The following SPINK5 variants were observed in gnomAD, a reference collection of about 807,000 sequenced individuals.
The protein encoded by SPINK5 is serine peptidase inhibitor Kazal type 5, also known as serine protease inhibitor Kazal-type 5.
A neutral mutation model predicts 151.8 loss-of-function variants in SPINK5; 125 were observed. The observed-to-expected ratio is 0.82, with a 90% confidence interval of 0.71 to 0.96. SPINK5 has a LOEUF of 0.96. Among genes scored for constraint, SPINK5 ranks in the 40% least tolerant of loss-of-function variants. The pLI is 0.00. For synonymous variants in SPINK5, 374 were observed against 395.3 expected, an observed-to-expected ratio of 0.95 and a Z score of 0.64; for missense variants, 1,194 against 1,291.9, an observed-to-expected ratio of 0.92 and a Z score of 1.16.
chr5:148,074,594 G>A (rs1752832545), intron 4 of SPINK5, among the ~76,000 whole-genome samples: 1 of 151,802 alleles, frequency 6.6e-6, no homozygotes, highest in African/African-American at 2.4e-5. Context: ...TGTTGTTAAA[G>A]GTTGATGGGA....
chr5:148,088,336 C>A (rs1753214114), intron 5 of SPINK5, among the ~76,000 whole-genome samples: 1 of 151,864 alleles, frequency 6.6e-6, no homozygotes, highest in South Asian at 2.1e-4. Context: ...AAGTCTGAAT[C>A]TTTACCATCT....
At chr5:148,134,062 T>C (rs1398152113) in intron 32 of SPINK5, 175 bp downstream of exon 32, 2 of 696,198 alleles carry the variant, frequency 2.9e-6, no homozygotes, top group East Asian at 5.5e-5. Flanking sequence ...ATTACTGAAA[T>C]AAGTGGAAAT....
intron 28 of SPINK5, chr5:148,125,505 G>A (rs538976676): frequency 6.2e-7 from 1 of 1,608,720 alleles, no homozygotes; most frequent in East Asian, 2.2e-5. Flanking sequence ...GTTGTTTTAT[G>A]TTTCCCTACA....
intron 31 of SPINK5, among the ~76,000 whole-genome samples, chr5:148,132,359 C>T (rs1754594133): frequency 6.6e-6 from 1 of 152,082 alleles, no homozygotes; most frequent in Admixed American, 6.5e-5. Flanking sequence ...ATAGGACTCC[C>T]TGATATCCTG....
chr5:148,099,973 TC>T (rs1753592718), intron 12 of SPINK5, among the ~76,000 whole-genome samples: 1 of 152,146 alleles, frequency 6.6e-6, no homozygotes, highest in African/African-American at 2.4e-5. Context: ...ATTCAGAAAA[TC>T]ATGCTCTGCT....
chr5:148,125,881 C>G, intron 29 of SPINK5, 31 bp downstream of exon 29: 2 of 1,613,936 alleles, frequency 1.2e-6, no homozygotes, highest in Non-Finnish European at 1.7e-6. Context: ...CCCCCTGTAG[C>G]TAGCAGGGGA....
Position 148,094,304 on chromosome 5 carries a change from A to C in SPINK5, c.667-50A>C. 2.5e-6 allele frequency: 4 copies of C among 1,601,970 alleles called. No individual in the cohort carries two copies. The East Asian group carries it at 9.0e-5, about 36-fold the overall frequency. On this transcript the variant is annotated intron_variant, in intron 8 of 32. Transcript: ENST00000256084. Reference sequence around the variant, plus strand: ...AGCAAAATCCTGTCTCAAAAAATAAAATATCCTGAAATGAAATGAAGTAAA... The same window carrying C: ...AGCAAAATCCTGTCTCAAAAAATAACATATCCTGAAATGAAATGAAGTAAA...
At position 148,108,766 on chromosome 5, in the gene SPINK5, G is replaced by T. The variant is rs1014654402; in HGVS notation, c.1621G>T (p.Glu541Ter). 2.5e-6 allele frequency: 4 copies of T among 1,611,464 alleles called. No homozygotes were observed. In the East Asian group the frequency reaches 6.7e-5, roughly 27 times the overall value. The change falls in exon 18 of 33, where the codon GAA becomes TAA. Residue 541 changes from glutamate (E) to a stop codon, truncating the protein, a stop_gained. Coordinates refer to ENST00000256084, the MANE Select transcript of SPINK5 (RefSeq NM_006846.4). LOFTEE classifies it high-confidence loss of function. ...MCASVFKLEE[E>*]EKKNDKEEKG... Reference sequence around the variant, plus strand: ...TTTCTATTACAGCAAACTTGAAGAAGAAGAGAAGAAAAATGATAAAGAAGA... The same window carrying T: ...TTTCTATTACAGCAAACTTGAAGAATAAGAGAAGAAAAATGATAAAGAAGA...
chr5:148,110,225 C>A (rs1376515918), intron 18 of SPINK5, among the ~76,000 whole-genome samples: 1 of 152,164 alleles, frequency 6.6e-6, no homozygotes, highest in African/African-American at 2.4e-5. Context: ...CAGTGTCACA[C>A]ATATCTTAAG....
intron 19 of SPINK5, among the ~76,000 whole-genome samples, chr5:148,112,640 T>G (rs1009637757): frequency 4.6e-5 from 7 of 151,720 alleles, no homozygotes; most frequent in Admixed American, 3.3e-4. Context: ...GCCACTGCAC[T>G]CCAGCCTGGC....
Position 148,114,457 on chromosome 5 carries a change from T to A in SPINK5, c.1983T>A (p.His661Gln). The A allele has an allele frequency of 6.2e-7, 1 of 1,613,642 alleles. No individual in the cohort carries two copies. Among genetic ancestry groups the A allele is most frequent in the Non-Finnish European group, 8.5e-7 (1 of 1,179,660 alleles). ...TGCGTGGCCCAGATGGCAAGACCCA[T>A]GGCAACAAGTGTGCCATGTGTAAGG... ...DPVRGPDGKT[H>Q]GNKCAMCKAV... Residue 661 changes from histidine to glutamine, a missense_variant, in exon 21 of 33, where the codon CAT becomes CAA. Physicochemically the swap from His to Gln is conservative, Grantham distance 24. Transcript: ENST00000256084.
intron 2 of SPINK5, among the ~76,000 whole-genome samples, chr5:148,068,479 A>G (rs1752641209): frequency 6.8e-6 from 1 of 147,392 alleles, no homozygotes; most frequent in Non-Finnish European, 1.5e-5. Context: ...GGCTCATTCA[A>G]TGATGATCAT....
At chr5:148,105,624 T>A (rs1753760438) in intron 16 of SPINK5, among the ~76,000 whole-genome samples, 1 of 139,876 alleles carries the variant, frequency 7.1e-6, no homozygotes, top group African/African-American at 3.3e-5. Flanking sequence ...TCTTTTTTTC[T>A]GTTTTTTTTG....
intron 4 of SPINK5, among the ~76,000 whole-genome samples, chr5:148,073,869 T>TA (rs1210756612): frequency 0.041 from 4,120 of 100,868 alleles, 269 homozygotes; most frequent in African/African-American, 0.14. Flanking sequence ...CACAAAACTG[T>TA]AAAAAAAAAA....
At chr5:148,089,318 T>C (rs906543985) in intron 6 of SPINK5, 176 bp from the exon 7 acceptor site, 14 of 818,702 alleles carry the variant, frequency 1.7e-5, no homozygotes, top group Non-Finnish European at 2.8e-5. Flanking sequence ...AGTAAAAAAG[T>C]TTTATATTTA....
At chr5:148,131,209 CT>C (rs1754561307) in intron 30 of SPINK5, 49 bp from the exon 31 acceptor site, 1 of 1,611,238 alleles carries the variant, frequency 6.2e-7, no homozygotes, top group Non-Finnish European at 8.5e-7. Context: ...AAGCCCACCC[CT>C]CTTCTTGAAT....
intron 4 of SPINK5, among the ~76,000 whole-genome samples, chr5:148,084,264 T>TA (rs1753095767): frequency 6.6e-6 from 1 of 151,946 alleles, no homozygotes. Context: ...CTTCAGTCTG[T>TA]AGCCCTTCTG....
intron 23 of SPINK5, 141 bp downstream of exon 23, chr5:148,118,705 G>A (rs924863047): frequency 3.8e-5 from 48 of 1,260,256 alleles, no homozygotes; most frequent in East Asian, 2.3e-4. Context: ...TTTCTCTTGC[G>A]TTCTCTAAGG....
intron 7 of SPINK5, 190 bp from the exon 8 acceptor site, chr5:148,090,975 G>T (rs777166340): frequency 6.8e-6 from 4 of 588,086 alleles, no homozygotes; most frequent in African/African-American, 1.9e-5. Flanking sequence ...AGCTATTGCC[G>T]TCTTTCTTTC....
Sources: allele counts gnomAD v4.1 joint callset (sites outside exome capture counted in the v4.1 genomes callset), GRCh38; gene constraint gnomAD v4.1.1; transcripts MANE v1.5; gene names NCBI Gene and HGNC (gene_info 2026-07-23, HGNC 2026-07-21).